The following RAPGEF6 variants were observed in gnomAD, a reference collection of about 807,000 sequenced individuals.
RAPGEF6 encodes PDZ domain containing guanine nucleotide exchange factor (GEF) 2.
A neutral mutation model predicts 171.4 loss-of-function variants in RAPGEF6; 56 were observed. The observed-to-expected ratio is 0.33, with a 90% CI of 0.26 to 0.41. RAPGEF6 has a LOEUF of 0.41. Ranked by LOEUF, RAPGEF6 falls within the 10% of genes least tolerant of loss-of-function variation. The pLI, the probability that RAPGEF6 is intolerant of heterozygous loss-of-function variation, is 1.00. For missense variants in RAPGEF6, 1,674 were observed against 1,921.4 expected, an observed-to-expected ratio of 0.87 and a Z score of 2.41; for synonymous variants, 692 against 650.1, an observed-to-expected ratio of 1.06 and a Z score of -0.98.
At position 131,446,625 on chromosome 5, in the gene RAPGEF6, G is replaced by A. The variant is rs1752713760; in HGVS notation, c.3279C>T (p.Ser1093=). 1 of 1,614,080 alleles carries A rather than the reference G, an allele frequency of 6.2e-7. No homozygotes were observed. The highest frequency in any genetic ancestry group is 1.7e-5 in the Admixed American group (1 of 60,006). ...GGAHKKRARR[S]SLLNAKKLYE... ...ATAGCTTCTTGGCATTAAGCAGAGA[G>A]CTGCGGCGTGCCCTTTTTTTGTGAG... Residue 1093 remains serine (S), a synonymous_variant, in exon 22 of 28, where the codon AGC becomes AGT. Transcript: ENST00000509018.
intron 4 of RAPGEF6, among the ~76,000 whole-genome samples, chr5:131,571,880 A>G (rs1352697545): frequency 6.6e-6 from 1 of 152,064 alleles, no homozygotes; most frequent in East Asian, 1.9e-4. Context: ...GTGATAATGT[A>G]CCCTTGTGAA....
intron 23 of RAPGEF6, among the ~76,000 whole-genome samples, chr5:131,441,453 T>C (rs946528866): frequency 3.3e-5 from 5 of 152,224 alleles, no homozygotes; most frequent in Admixed American, 2.6e-4. Context: ...AAGCAACTTC[T>C]CTGGAACTTT....
chr5:131,606,024 C>G, intron 1 of RAPGEF6, among the ~76,000 whole-genome samples: 1 of 95,410 alleles, frequency 1.0e-5, no homozygotes, highest in Non-Finnish European at 1.9e-5. Context: ...AGTGAGACTC[C>G]ATCTCAAAAA....
intron 15 of RAPGEF6, among the ~76,000 whole-genome samples, chr5:131,481,072 T>C (rs1580892217): frequency 1.3e-5 from 2 of 152,054 alleles, no homozygotes; most frequent in South Asian, 2.1e-4. Context: ...ATTACAGACA[T>C]GCATCACCAC....
chr5:131,584,938 C>G (rs888340393), intron 4 of RAPGEF6, among the ~76,000 whole-genome samples: 4 of 152,140 alleles, frequency 2.6e-5, no homozygotes, highest in Admixed American at 6.5e-5. Context: ...AGGAAGAATC[C>G]ACTGGACAGT....
chr5:131,523,072 G>A lies in RAPGEF6; in HGVS notation c.496-1551C>T, dbSNP rs960871487. On this transcript the variant is annotated intron_variant, in intron 6 of 27. Coordinates refer to ENST00000509018, the MANE Select transcript of RAPGEF6 (RefSeq NM_016340.6). ...CCATTGCTCAGCCCAATAAAACCAG[G>A]CACATATGACGAGACAGGATGGCAC... Among the ~76,000 whole-genome samples the A allele has an allele frequency of 2.0e-5, 3 of 151,878 alleles. No homozygotes were observed. The South Asian group carries it at 6.2e-4, about 32-fold the overall frequency.
intron 1 of RAPGEF6, among the ~76,000 whole-genome samples, chr5:131,612,004 T>C (rs1164097052): frequency 6.6e-6 from 1 of 152,116 alleles, no homozygotes; most frequent in East Asian, 1.9e-4. Flanking sequence ...GCAAAAGCGA[T>C]ATGCATTCAG....
intron 4 of RAPGEF6, among the ~76,000 whole-genome samples, chr5:131,586,425 G>A (rs920991503): frequency 6.6e-6 from 1 of 152,218 alleles, no homozygotes; most frequent in Non-Finnish European, 1.5e-5. Flanking sequence ...AGCCAAGGCA[G>A]GTGGATTACT....
At chr5:131,534,037 C>T (rs1175045545) in intron 6 of RAPGEF6, among the ~76,000 whole-genome samples, 2 of 151,992 alleles carry the variant, frequency 1.3e-5, no homozygotes, top group African/African-American at 4.8e-5. Context: ...AAAGACAGTT[C>T]CCAATAGTAA....
intron 1 of RAPGEF6, among the ~76,000 whole-genome samples, chr5:131,620,683 C>T (rs568336081): frequency 1.2e-3 from 176 of 151,998 alleles, no homozygotes; most frequent in African/African-American, 4.1e-3. Flanking sequence ...CTCCGCCTCC[C>T]AGGTTCAAGC....
chr5:131,453,327 G>A, intron 20 of RAPGEF6, 150 bp from the exon 21 acceptor site: 1 of 1,325,182 alleles, frequency 7.5e-7, no homozygotes, highest in Non-Finnish European at 9.9e-7. Context: ...ACCCATACAT[G>A]GTTCAACCCT....
rs150951211 is a variant in RAPGEF6, at chr5:131,506,135, G to T, written c.943-613C>A. Among the ~76,000 whole-genome samples, 316 of 152,208 alleles carry T rather than the reference G, an allele frequency of 2.1e-3. 1 individual carries two copies. Among genetic ancestry groups the T allele is most frequent in the African/African-American group, 7.2e-3 (300 of 41,536 alleles). On this transcript the variant is annotated intron_variant, in intron 9 of 27. Transcript: ENST00000509018. ...TATATGGAAATATTTAATGCTCTAA[G>T]AAGTTATTTATTTATTTATTTGAGA...
At position 131,561,987 on chromosome 5, in the gene RAPGEF6, T is replaced by G; in HGVS notation, c.342A>C (p.Glu114Asp). The G allele has an allele frequency of 1.3e-6, 2 of 1,593,358 alleles. No individual in the cohort carries two copies. The highest frequency in any genetic ancestry group is 1.7e-6 in the Non-Finnish European group (2 of 1,168,632). The change falls in exon 5 of 28, where the codon GAA becomes GAC. Residue 114 changes from glutamate (E) to aspartate (D), a missense_variant. By Grantham distance (45) the Glu-to-Asp change is conservative. Transcript: ENST00000509018. ...TCTTTAAAGTTCTTACCACAATCAT[T>G]TCTGAAGGCTCTAATACAAGACAAT... ...GCDCLVLEPS[E>D]MIVVENAKDN...
Position 131,521,471 on chromosome 5 carries a change from C to T in RAPGEF6, c.546G>A (p.Gln182=). The T allele has an allele frequency of 6.2e-7, 1 of 1,612,518 alleles. No homozygotes were observed. The highest frequency in any genetic ancestry group is 1.1e-5 in the South Asian group (1 of 90,920). ...ACTGACTAGAAGACACATGAGTCAC[C>T]TGTGGATGAGGGTTTTCTGTGAGAT... is the stretch of plus-strand genomic sequence containing the variant. The part of the protein sequence containing the change: ...KMHLTENPHP[Q]VTHVSSSQSG... The change falls in exon 7 of 28, where the codon CAG becomes CAA. Residue 182 remains glutamine, a synonymous_variant. Coordinates refer to ENST00000509018, the MANE Select transcript of RAPGEF6 (RefSeq NM_016340.6).
chr5:131,460,366 A>C (rs1157220344), intron 19 of RAPGEF6, among the ~76,000 whole-genome samples: 1 of 152,128 alleles, frequency 6.6e-6, no homozygotes, highest in Non-Finnish European at 1.5e-5. Context: ...CATCATACTA[A>C]GGTATGGTTT....
chr5:131,502,280 T>C (rs1366368587), intron 11 of RAPGEF6, among the ~76,000 whole-genome samples: 1 of 152,196 alleles, frequency 6.6e-6, no homozygotes, highest in Non-Finnish European at 1.5e-5. Context: ...AGAATAGTAA[T>C]GGAAGTAAAA....
intron 11 of RAPGEF6, among the ~76,000 whole-genome samples, chr5:131,499,410 G>T (rs1214576184): frequency 6.6e-6 from 1 of 151,706 alleles, no homozygotes; most frequent in Non-Finnish European, 1.5e-5. Flanking sequence ...GTGAAACCCC[G>T]TCTCTACTAA....
intron 12 of RAPGEF6, among the ~76,000 whole-genome samples, chr5:131,497,892 AATTT>A (rs1300685190): frequency 2.0e-5 from 3 of 152,372 alleles, no homozygotes; most frequent in East Asian, 1.9e-4. Context: ...GAAATAAGCT[AATTT>A]ATTTAAAATA....
intron 1 of RAPGEF6, among the ~76,000 whole-genome samples, chr5:131,618,917 T>TA (rs1353063554): frequency 1.3e-5 from 2 of 152,048 alleles, no homozygotes; most frequent in Non-Finnish European, 2.9e-5. Flanking sequence ...GACCACCACC[T>TA]ATGCAGTTTC....
Sources: gnomAD v4.1 joint callset for allele counts (sites outside exome capture counted in the v4.1 genomes callset) on GRCh38, gnomAD v4.1.1 for gene constraint, MANE v1.5 for transcripts, NCBI Gene and HGNC (gene_info 2026-07-23, HGNC 2026-07-21) for gene names.